The following RPL34 variants were observed in gnomAD, a reference collection of about 807,000 sequenced individuals.
RPL34 encodes the protein ribosomal protein L34.
RPL34 carries 2 observed loss-of-function variants against 16.3 expected under a neutral mutation model. That is an observed-to-expected ratio of 0.12 (90% CI 0.05 to 0.39). The LOEUF is 0.39. Among genes scored for constraint, RPL34 ranks in the 10% least tolerant of loss-of-function variants. The pLI is 0.99. For synonymous variants in RPL34, 47 were observed against 48.5 expected (o/e 0.97, Z 0.13); for missense variants, 82 against 148.8 (o/e 0.55, Z 2.33).
At chr4:108,622,833 G>C (rs534158127) in intron 4 of RPL34, 33 of 423,946 alleles carry the variant, frequency 7.8e-5, no homozygotes, top group Middle Eastern at 1.2e-3. Flanking sequence ...AGATTAAAAG[G>C]AACTTGGTTT....
downstream of RPL34, among the ~76,000 whole-genome samples, chr4:108,629,020 G>A (rs1310752512): frequency 6.6e-6 from 1 of 152,118 alleles, no homozygotes. Flanking sequence ...GGTTCGCCAT[G>A]TTGGCCAGGC....
At chr4:108,629,034 T>G (rs1578327250), downstream of RPL34, among the ~76,000 whole-genome samples, 1 of 152,138 alleles carries the variant, frequency 6.6e-6, no homozygotes. Flanking sequence ...GCCAGGCTGG[T>G]CTCGAACTCC....
chr4:108,627,526 A>C (rs560120288), downstream of RPL34, among the ~76,000 whole-genome samples: 16 of 152,320 alleles, frequency 1.1e-4, no homozygotes, highest in East Asian at 2.9e-3. Flanking sequence ...AAGAGGAGTC[A>C]CAGAACTAGT....
chr4:108,626,313 T>TGAGA (rs1375552882), downstream of RPL34, among the ~76,000 whole-genome samples: 1 of 152,004 alleles, frequency 6.6e-6, no homozygotes, highest in Non-Finnish European at 1.5e-5. Flanking sequence ...TTTGGTTTTT[T>TGAGA]GAGAAACAGT....
At chr4:108,622,272 A>T in intron 3 of RPL34, 68 bp downstream of exon 3, 1 of 1,156,104 alleles carries the variant, frequency 8.6e-7, no homozygotes, top group Non-Finnish European at 1.3e-6. Context: ...TCCCTTGACG[A>T]TGGAATGAAT....
chr4:108,627,424 C>CA (rs1174130001), downstream of RPL34, among the ~76,000 whole-genome samples: 6 of 151,064 alleles, frequency 4.0e-5, no homozygotes, highest in Non-Finnish European at 7.4e-5. Context: ...AGGTAAAAGG[C>CA]AAAAAAAATG....
At chr4:108,628,872 G>T (rs1299418484), downstream of RPL34, among the ~76,000 whole-genome samples, 4 of 152,100 alleles carry the variant, frequency 2.6e-5, no homozygotes, top group Non-Finnish European at 5.9e-5. Flanking sequence ...ACCCAGGCTG[G>T]AGTGCAGTGA....
At chr4:108,620,630 T>C (rs1560611647) in intron 1 of RPL34, 30 bp downstream of exon 1, 1 of 269,792 alleles carries the variant, frequency 3.7e-6, no homozygotes, top group East Asian at 9.8e-5. Context: ...TTCCCTGTCT[T>C]TATTTCCTTA....
At chr4:108,622,466 G>A (rs2110363479) in intron 3 of RPL34, 49 bp from the exon 4 acceptor site, 1 of 1,441,750 alleles carries the variant, frequency 6.9e-7, no homozygotes, top group Non-Finnish European at 9.7e-7. Context: ...AAAATTTAGG[G>A]AAATTTCTGT....
intron 3 of RPL34, 120 bp downstream of exon 3, chr4:108,622,324 A>AT: frequency 1.2e-6 from 1 of 862,466 alleles, no homozygotes. Flanking sequence ...ATTACTAAAC[A>AT]TTCATGAGCC....
rs766281460 is a variant in RPL34 at position 108,622,110 on chromosome 4, G to A, written c.71G>A (p.Arg24Gln). ...CTGACTGTTTCACTTTCTAGGTCCC[G>A]AACCCCTGGTAATAGAATTGTTTAC... ...NTASNKTRLS[R>Q]TPGNRIVYLY... Residue 24 changes from arginine to glutamine, a missense_variant, in exon 3 of 5, where the codon CGA (arginine) becomes CAA (glutamine). Arg to Gln is a conservative substitution (Grantham distance 43, BLOSUM62 1). Transcript: ENST00000394667. 5.0e-6 allele frequency: 8 copies of A among 1,613,080 alleles called. No homozygotes were observed. The highest frequency in any genetic ancestry group is 2.2e-5 in the South Asian group (2 of 91,044).
chr4:108,621,927 G>A (rs1214326312), intron 1 of RPL34, 24 bp from the exon 2 acceptor site: 1 of 1,483,648 alleles, frequency 6.7e-7, no homozygotes. Flanking sequence ...GGAAAGATTT[G>A]ATGTTACTCT....
chr4:108,624,384 G>A lies in RPL34; in HGVS notation c.270-744G>A, dbSNP rs112925050. Among the ~76,000 whole-genome samples the A allele has an allele frequency of 1.4e-3, 210 of 152,250 alleles. 2 individuals are homozygous for A. Among genetic ancestry groups the A allele is most frequent in the African/African-American group, 4.8e-3 (200 of 41,540 alleles). On this transcript the variant is annotated intron_variant, in intron 4 of 4. Coordinates refer to ENST00000394667, the MANE Select transcript of RPL34 (RefSeq NM_001319236.2). ...CAGGTTTACCAATGGGAAATGGGGT[G>A]GGGGAAGGTTTAAGTTGAAGCAAGA...
chr4:108,627,651 C>T (rs1008981783), downstream of RPL34, among the ~76,000 whole-genome samples: 3 of 152,094 alleles, frequency 2.0e-5, no homozygotes, highest in African/African-American at 7.2e-5. Context: ...CACCGGAGGT[C>T]AGGAGTTCGA....
downstream of RPL34, among the ~76,000 whole-genome samples, chr4:108,627,020 A>G (rs369644356): frequency 1.3e-5 from 2 of 152,086 alleles, no homozygotes; most frequent in Non-Finnish European, 2.9e-5. Context: ...CGGGCGGATC[A>G]TGAGGTCAGG....
At chr4:108,628,045 G>C (rs558948038), downstream of RPL34, among the ~76,000 whole-genome samples, 1 of 152,180 alleles carries the variant, frequency 6.6e-6, no homozygotes, top group South Asian at 2.1e-4. Context: ...TTGCAGCTGT[G>C]TTAGTGAATA....
At chr4:108,622,382 T>G in intron 3 of RPL34, 133 bp from the exon 4 acceptor site, 2 of 814,672 alleles carry the variant, frequency 2.5e-6, no homozygotes, top group South Asian at 3.2e-5. Context: ...AGAAATGCAG[T>G]GAAATGCCTT....
rs762863122 is a variant in RPL34, at chr4:108,625,233, TAATAAA to T, written c.*25_*30del. The T allele has an allele frequency of 1.0e-5, 15 of 1,493,920 alleles. No individual in the cohort carries two copies. In the African/African-American group the frequency reaches 1.7e-4, roughly 17 times the overall value. The allele number at this position is 1,493,920 out of a possible 1,614,324, so 92.5% of individuals were successfully genotyped here. On this transcript the variant is annotated 3_prime_UTR_variant, in exon 5 of 5. Transcript: ENST00000394667. ...AATAAAAAAATGAAACTTTTTTGAGTAATAAAAATGAAAAGACGCTGTATGTATGAC... is the reference window on the plus strand; with the variant it reads ...AATAAAAAAATGAAACTTTTTTGAGTAATGAAAAGACGCTGTATGTATGAC...
intron 4 of RPL34, among the ~76,000 whole-genome samples, chr4:108,624,311 T>G (rs1018910494): frequency 6.6e-6 from 1 of 151,994 alleles, no homozygotes; most frequent in East Asian, 1.9e-4. Flanking sequence ...ATGGGGGAGA[T>G]TTGAAGAAAT....
Sources: allele counts gnomAD v4.1 joint callset (sites outside exome capture counted in the v4.1 genomes callset), GRCh38; gene constraint gnomAD v4.1.1; transcripts MANE v1.5; gene names NCBI Gene and HGNC (gene_info 2026-07-23, HGNC 2026-07-21).